Variants in PALS2 observed in about 807,000 individuals in gnomAD.
The protein encoded by PALS2 is protein PALS2.
Under a neutral mutation model 61.6 loss-of-function variants are expected in PALS2, and 27 were observed. The observed-to-expected ratio is 0.44, with a 90% CI of 0.32 to 0.60. The LOEUF (loss-of-function observed/expected upper bound fraction) is 0.60. Among genes scored for constraint, PALS2 ranks in the 20% least tolerant of loss-of-function variants. PALS2 has a pLI of 0.05. For missense variants in PALS2, 554 were observed against 639.4 expected, an observed-to-expected ratio of 0.87 and a Z score of 1.44; for synonymous variants, 236 against 218.6, an observed-to-expected ratio of 1.08 and a Z score of -0.70.
intron 1 of PALS2, among the ~76,000 whole-genome samples, chr7:24,581,268 T>C (rs1782833171): frequency 6.8e-6 from 1 of 147,994 alleles, no homozygotes; most frequent in South Asian, 2.1e-4. Context: ...TGTGTGTGTG[T>C]GTGTGTGTGT....
intron 7 of PALS2, 148 bp downstream of exon 7, chr7:24,665,835 T>C (rs1018532463): frequency 1.0e-6 from 1 of 959,906 alleles, no homozygotes. Context: ...GTAATCTTTT[T>C]TGATCCCGTT....
At chr7:24,591,326 A>G (rs1008787402) in intron 1 of PALS2, among the ~76,000 whole-genome samples, 1 of 152,164 alleles carries the variant, frequency 6.6e-6, no homozygotes, top group Admixed American at 6.6e-5. Flanking sequence ...ATGGAGGATG[A>G]CATTCAGACC....
chr7:24,686,905 TAAATA>T (rs1481105860), intron 11 of PALS2, among the ~76,000 whole-genome samples: 1 of 152,130 alleles, frequency 6.6e-6, no homozygotes, highest in East Asian at 1.9e-4. Flanking sequence ...GACAAAAACA[TAAATA>T]AAAGTATGTG....
chr7:24,658,989 C>A (rs1376752816), intron 5 of PALS2, among the ~76,000 whole-genome samples: 1 of 152,110 alleles, frequency 6.6e-6, no homozygotes, highest in Non-Finnish European at 1.5e-5. Flanking sequence ...GTTTTTCAGT[C>A]CTCACCCTCC....
chr7:24,650,464 T>A (rs768385654), intron 4 of PALS2, 21 bp from the exon 5 acceptor site: 2 of 1,522,816 alleles, frequency 1.3e-6, no homozygotes, highest in Admixed American at 4.2e-5. Context: ...TAATGAGAAA[T>A]CTGTTTCTTA....
At chr7:24,620,311 G>A (rs965993792) in intron 1 of PALS2, 4 of 151,908 alleles carry the variant, frequency 2.6e-5, no homozygotes, top group Non-Finnish European at 1.5e-5. Context: ...TTTCTTTATC[G>A]TTTCATATGC....
At chr7:24,657,799 T>A (rs1172581132) in intron 5 of PALS2, among the ~76,000 whole-genome samples, 2 of 152,198 alleles carry the variant, frequency 1.3e-5, no homozygotes, top group African/African-American at 2.4e-5. Context: ...TTTCTCCAAT[T>A]TGTTTTCTAC....
rs1320158242 is a variant in PALS2 at position 24,641,732 on chromosome 7, A to G, written c.134A>G (p.Glu45Gly). 2 of 1,610,806 alleles carry G rather than the reference A, an allele frequency of 1.2e-6. No homozygotes were observed. Among genetic ancestry groups the G allele is most frequent in the Non-Finnish European group, 1.7e-6 (2 of 1,178,306 alleles). The change falls in exon 3 of 12, where the codon GAA (glutamate) becomes GGA (glycine). Residue 45 changes from glutamate to glycine, a missense_variant. Physicochemically the swap from Glu to Gly is moderately conservative, Grantham distance 98. Transcript: ENST00000222644. ...KSLAKAHERLEDSKLEAVSDN... is the reference protein window; with the variant it reads ...KSLAKAHERLGDSKLEAVSDN... ...TTTTTTCAGGCTCATGAGAGGCTAGAAGATTCCAAACTAGAAGCTGTCAGT... is the reference window on the plus strand; with the variant it reads ...TTTTTTCAGGCTCATGAGAGGCTAGGAGATTCCAAACTAGAAGCTGTCAGT...
intron 8 of PALS2, 116 bp from the exon 9 acceptor site, chr7:24,668,383 C>CA (rs1787137745): frequency 1.1e-6 from 1 of 917,530 alleles, no homozygotes; most frequent in Non-Finnish European, 1.6e-6. Context: ...TAAGTGGGTA[C>CA]AAGTCAAGTG....
chr7:24,606,962 G>T lies in PALS2; in HGVS notation c.-2-16704G>T, dbSNP rs148504969. On this transcript the variant is annotated intron_variant, in intron 1 of 11. Transcript: ENST00000222644. ...TTTTATATAGTGCTTTTAATTTTGT[G>T]CATGAAACAAAGTTTTGACTATGAC... Among the ~76,000 whole-genome samples the T allele has an allele frequency of 5.7e-3, 875 of 152,208 alleles. 3 individuals carry two copies. Among genetic ancestry groups the T allele is most frequent in the Non-Finnish European group, 9.1e-3 (622 of 67,992 alleles).
chr7:24,661,512 A>C, intron 5 of PALS2, among the ~76,000 whole-genome samples: 1 of 152,204 alleles, frequency 6.6e-6, no homozygotes, highest in East Asian at 1.9e-4. Flanking sequence ...TCCACACATA[A>C]GAATGGTAAT....
chr7:24,642,130 C>T (rs531715558), intron 3 of PALS2, among the ~76,000 whole-genome samples: 4 of 152,228 alleles, frequency 2.6e-5, no homozygotes, highest in South Asian at 2.1e-4. Flanking sequence ...AAGAAAACAA[C>T]CTTAATTCAC....
At chr7:24,675,865 T>A (rs1787552470) in intron 9 of PALS2, among the ~76,000 whole-genome samples, 1 of 128,824 alleles carries the variant, frequency 7.8e-6, no homozygotes, top group Non-Finnish European at 1.6e-5. Flanking sequence ...TGTGCATGTG[T>A]CTTTATAGTA....
intron 3 of PALS2, among the ~76,000 whole-genome samples, chr7:24,648,602 A>G (rs1486227925): frequency 6.6e-6 from 1 of 152,068 alleles, no homozygotes; most frequent in Admixed American, 6.6e-5. Context: ...CCTAAAAATT[A>G]TTCTTTTAGG....
At chr7:24,585,270 C>T (rs530055833) in intron 1 of PALS2, among the ~76,000 whole-genome samples, 33 of 151,646 alleles carry the variant, frequency 2.2e-4, no homozygotes, top group African/African-American at 7.3e-4. Flanking sequence ...GCCATTTTGA[C>T]GATATTGATT....
chr7:24,613,936 A>G (rs2128053099), intron 1 of PALS2, among the ~76,000 whole-genome samples: 1 of 152,082 alleles, frequency 6.6e-6, no homozygotes. Flanking sequence ...TTTATGGCTG[A>G]ATAGTATTCC....
At chr7:24,667,782 A>G (rs1180866604) in intron 8 of PALS2, among the ~76,000 whole-genome samples, 1 of 148,392 alleles carries the variant, frequency 6.7e-6, no homozygotes. Flanking sequence ...CCCCTGCCTC[A>G]GCCCCCTGAG....
intron 1 of PALS2, among the ~76,000 whole-genome samples, chr7:24,605,517 A>G (rs1036225443): frequency 4.6e-5 from 7 of 152,224 alleles, no homozygotes; most frequent in East Asian, 1.9e-4. Context: ...AGATATTTAT[A>G]TAAGTATAGA....
rs1247320007 is a variant in PALS2, at chr7:24,690,439, T to C, written c.*2825T>C. On this transcript the variant is annotated 3_prime_UTR_variant, in exon 12 of 12. Transcript: ENST00000222644. ...GTTGAAATAGACACACACATGCATG[T>C]GCTTTTGGGAAACATGATGTGCCAA... The C allele has an allele frequency of 6.6e-6, 1 of 152,208 alleles. No individual in the cohort carries two copies. The highest frequency in any genetic ancestry group is 6.5e-5 in the Admixed American group (1 of 15,276). The allele number at this position is 152,208 out of a possible 1,614,324, so 9.4% of individuals were successfully genotyped here. A position where few individuals can be genotyped will look rare whatever the true frequency, so the allele number is the denominator to read the frequency against.
Sources: allele counts gnomAD v4.1 joint callset (sites outside exome capture counted in the v4.1 genomes callset), GRCh38; gene constraint gnomAD v4.1.1; transcripts MANE v1.5; gene names NCBI Gene and HGNC (gene_info 2026-07-23, HGNC 2026-07-21).